NOP10: variants seen among roughly 807,000 people sequenced by gnomAD.
NOP10 encodes the protein NOP10 ribonucleoprotein.
NOP10 carries 6 observed loss-of-function variants against 9.5 expected under a neutral mutation model. The observed-to-expected ratio is 0.63, with a 90% CI of 0.35 to 1.25. The LOEUF (loss-of-function observed/expected upper bound fraction) is 1.25, where lower values mean the gene tolerates loss of function less well. Ranked by LOEUF, NOP10 falls within the 50% of genes most tolerant of loss-of-function variation. NOP10 has a pLI of 0.03. For synonymous variants in NOP10, 28 were observed against 30.7 expected (o/e 0.91, Z 0.29); for missense variants, 75 against 81.3 (o/e 0.92, Z 0.30).
In NOP10 at chr15:34,342,034, T is replaced by C. The variant is rs1340774559; in HGVS notation, c.129A>G (p.Arg43=). 4 of 1,614,060 alleles carry C rather than the reference T, an allele frequency of 2.5e-6. No homozygotes were observed. The part of the protein sequence containing the change: ...ARFSPDDKYS[R]HRITIKKRFK... Reference sequence around the variant, plus strand: ...AGCGTTTCTTGATGGTGATTCGGTGTCGAGAGTATTTGTCATCTGGGGAGA... The same window carrying C: ...AGCGTTTCTTGATGGTGATTCGGTGCCGAGAGTATTTGTCATCTGGGGAGA... The change falls in exon 2 of 2, where the codon CGA becomes CGG. Residue 43 remains arginine, a synonymous_variant. Transcript: ENST00000328848.
intron 1 of NOP10, 140 bp downstream of exon 1, chr15:34,342,880 G>T: frequency 3.7e-6 from 3 of 811,428 alleles, no homozygotes; most frequent in Non-Finnish European, 6.5e-6. Context: ...AATGAGTCGC[G>T]CGGTCCCGGT....
intron 1 of NOP10, 123 bp from the exon 2 acceptor site, chr15:34,342,231 A>G: frequency 1.1e-6 from 1 of 893,368 alleles, no homozygotes; most frequent in East Asian, 2.6e-5. Context: ...TGTACAAATA[A>G]ATAGAGAAAT....
chr15:34,342,564 TAAAAAAAAAA>T (rs750902937), intron 1 of NOP10, among the ~76,000 whole-genome samples: 1 of 102,752 alleles, frequency 9.7e-6, no homozygotes, highest in African/African-American at 3.9e-5. Context: ...TCCCTGTCTT[TAAAAAAAAAA>T]AAAAAAAAAA....
At chr15:34,342,652 T>G (rs148453358) in intron 1 of NOP10, among the ~76,000 whole-genome samples, 1,663 of 151,498 alleles carry the variant, frequency 0.011, 12 homozygotes, top group Middle Eastern at 0.024. Context: ...GTTTAAGCGA[T>G]TCTCCTGTCT....
rs757349587 is a variant in NOP10, at chr15:34,343,124, T to A, written c.-51A>T. The A allele has an allele frequency of 1.9e-6, 3 of 1,565,314 alleles. No homozygotes were observed. The highest frequency in any genetic ancestry group is 2.2e-5 in the East Asian group (1 of 44,622). On this transcript the variant is annotated 5_prime_UTR_variant, in exon 1 of 2. Coordinates refer to ENST00000328848, the MANE Select transcript of NOP10 (RefSeq NM_018648.4). ...ATTCGGTCCACCGCTCAGTCTGCAG[T>A]GGTCCGCCCGACCGCGTCACGTGTT... is the stretch of plus-strand genomic sequence containing the variant.
rs533707808 is a variant in NOP10 at position 34,342,829 on chromosome 15, G to C, written c.54+191C>G. ...CCCAAAGTGCTAGGATTACAGGCGG[G>C]AGCCACTGCGCCCCGCCAGAATTTT... On this transcript the variant is annotated intron_variant, in intron 1 of 1. Transcript: ENST00000328848. 5.3e-5 allele frequency among the ~76,000 whole-genome samples: 8 copies of C among 152,230 alleles called. No individual in the cohort carries two copies. In the East Asian group the frequency reaches 1.6e-3, roughly 30 times the overall value.
intron 1 of NOP10, 119 bp downstream of exon 1, chr15:34,342,901 C>T: frequency 2.0e-6 from 2 of 994,796 alleles, no homozygotes; most frequent in Non-Finnish European, 3.2e-6. Flanking sequence ...TCTTCCCCAC[C>T]TCGGTTCTGG....
Position 34,341,984 on chromosome 15 carries a change from G to A in NOP10, c.179C>T (p.Pro60Leu), listed in dbSNP as rs765367178. 18 of 1,613,936 alleles carry A rather than the reference G, an allele frequency of 1.1e-5. No homozygotes were observed. The highest frequency in any genetic ancestry group is 1.4e-5 in the Non-Finnish European group (16 of 1,180,034). ...AAGGGACCCTCAGAGGACAGGGCGCGGTTGCTGGGTCATGAGCACCTTGAA... is the reference window on the plus strand; with the variant it reads ...AAGGGACCCTCAGAGGACAGGGCGCAGTTGCTGGGTCATGAGCACCTTGAA... ...KRFKVLMTQQ[P>L]RPVL Residue 60 changes from proline (P) to leucine (L), a missense_variant, in exon 2 of 2, where the codon CCG becomes CTG. Physicochemically the swap from Pro to Leu is moderately conservative, Grantham distance 98. Coordinates refer to ENST00000328848, the MANE Select transcript of NOP10 (RefSeq NM_018648.4).
intron 1 of NOP10, among the ~76,000 whole-genome samples, 182 bp from the exon 2 acceptor site, chr15:34,342,290 C>T (rs1890492429): frequency 6.6e-6 from 1 of 150,410 alleles, no homozygotes; most frequent in Non-Finnish European, 1.5e-5. Context: ...GTAATCCTGG[C>T]ACTTTGGGAG....
At position 34,343,065 on chromosome 15, in the gene NOP10, G is replaced by A. The variant is rs1433015331; in HGVS notation, c.9C>T (p.Leu3=). 6.2e-7 allele frequency: 1 copy of A among 1,614,032 alleles called. No homozygotes were observed. The highest frequency in any genetic ancestry group is 8.5e-7 in the Non-Finnish European group (1 of 1,180,026). ...CTCCCTGCTCGTTGAGGTAATACTG[G>A]AGAAACATGATCGCTTATAAGCCAG... is the stretch of plus-strand genomic sequence containing the variant. MF[L]QYYLNEQGDR... is the part of the protein sequence containing the mutation. The change falls in exon 1 of 2, where the codon CTC becomes CTT. Residue 3 remains leucine, a synonymous_variant. Transcript: ENST00000328848.
Position 34,341,817 on chromosome 15 carries a change from G to A in NOP10, c.*151C>T. 1 of 775,388 alleles carries A rather than the reference G, an allele frequency of 1.3e-6. No individual in the cohort carries two copies. The highest frequency in any genetic ancestry group is 2.2e-6 in the Non-Finnish European group (1 of 447,054). The allele number at this position is 775,388 out of a possible 1,614,324, so 48.0% of individuals were successfully genotyped here. ...CTTTATGGGTGATGCCACCATGATTGCCTCACACAAGCATAATCAATCGCC... is the reference window on the plus strand; with the variant it reads ...CTTTATGGGTGATGCCACCATGATTACCTCACACAAGCATAATCAATCGCC... On this transcript the variant is annotated 3_prime_UTR_variant, in exon 2 of 2. Coordinates refer to ENST00000328848, the MANE Select transcript of NOP10 (RefSeq NM_018648.4).
In NOP10 at chr15:34,342,033, GTCGAGAGT is replaced by G; in HGVS notation, c.122_129del (p.Tyr41SerfsTer26). On this transcript the variant is annotated frameshift_variant, in exon 2 of 2. Transcript: ENST00000328848. LOFTEE classifies it high-confidence loss of function. ...AAGCGTTTCTTGATGGTGATTCGGTGTCGAGAGTATTTGTCATCTGGGGAGAACCGAGC... is the reference window on the plus strand; with the variant it reads ...AAGCGTTTCTTGATGGTGATTCGGTGATTTGTCATCTGGGGAGAACCGAGC... 2.5e-6 allele frequency: 4 copies of G among 1,614,130 alleles called. No individual in the cohort carries two copies. The highest frequency in any genetic ancestry group is 3.4e-6 in the Non-Finnish European group (4 of 1,180,000).
rs1890481204 is a variant in NOP10 at position 34,341,844 on chromosome 15, C to T, written c.*124G>A. On this transcript the variant is annotated 3_prime_UTR_variant, in exon 2 of 2. Coordinates refer to ENST00000328848, the MANE Select transcript of NOP10 (RefSeq NM_018648.4). Reference sequence around the variant, plus strand: ...CTCACACAAGCATAATCAATCGCCACGAGAGACTGGATGCCAAAGAGTATG... The same window carrying T: ...CTCACACAAGCATAATCAATCGCCATGAGAGACTGGATGCCAAAGAGTATG... 3 of 983,320 alleles carry T rather than the reference C, an allele frequency of 3.1e-6. No individual in the cohort carries two copies. Among genetic ancestry groups the T allele is most frequent in the South Asian group, 2.8e-5 (2 of 72,676 alleles). 60.9% of individuals were successfully genotyped at this position (983,320 alleles called of 1,614,324 possible).
chr15:34,342,187 G>T, intron 1 of NOP10, 79 bp from the exon 2 acceptor site: 1 of 1,218,202 alleles, frequency 8.2e-7, no homozygotes, highest in Non-Finnish European at 1.2e-6. Flanking sequence ...GGGCAAACAT[G>T]AAAATAGAAG....
intron 1 of NOP10, 52 bp from the exon 2 acceptor site, chr15:34,342,160 G>C: frequency 6.4e-7 from 1 of 1,568,182 alleles, no homozygotes; most frequent in African/African-American, 1.4e-5. Context: ...GAAATGGGGT[G>C]GGGCCAGCGC....
intron 1 of NOP10, 45 bp from the exon 2 acceptor site, chr15:34,342,153 A>G (rs750087925): frequency 1.3e-5 from 20 of 1,596,042 alleles, no homozygotes; most frequent in Admixed American, 3.3e-5. Flanking sequence ...GAGTGATGAA[A>G]TGGGGTGGGG....
Position 34,341,940 on chromosome 15 carries a change from G to T in NOP10, c.*28C>A, listed in dbSNP as rs1412743489. 1 of 1,611,814 alleles carries T rather than the reference G, an allele frequency of 6.2e-7. No homozygotes were observed. The highest frequency in any genetic ancestry group is 1.7e-5 in the Admixed American group (1 of 59,970). On this transcript the variant is annotated 3_prime_UTR_variant, in exon 2 of 2. Coordinates refer to ENST00000328848, the MANE Select transcript of NOP10 (RefSeq NM_018648.4). Reference sequence around the variant, plus strand: ...CGGAGTCTCCGAGGGGTAACAGGTGGCAGAAAAGACATCAGTTTAAGGGAC... The same window carrying T: ...CGGAGTCTCCGAGGGGTAACAGGTGTCAGAAAAGACATCAGTTTAAGGGAC...
chr15:34,341,769 G>GA lies in NOP10; in HGVS notation c.*198dup, dbSNP rs924767350. On this transcript the variant is annotated 3_prime_UTR_variant, in exon 2 of 2. Coordinates refer to ENST00000328848, the MANE Select transcript of NOP10 (RefSeq NM_018648.4). ...AATCTTGTAGTAATTTAAAATATGA[G>GA]AAAAAAAAGTCAAATGTGTTCCCTT... 10 of 618,458 alleles carry GA rather than the reference G, an allele frequency of 1.6e-5. No homozygotes were observed. The highest frequency in any genetic ancestry group is 2.7e-5 in the Admixed American group (1 of 36,888). The allele number at this position is 618,458 out of a possible 1,614,324, so 38.3% of individuals were successfully genotyped here. A position where few individuals can be genotyped will look rare whatever the true frequency, so the allele number is the denominator to read the frequency against.
intron 1 of NOP10, 152 bp from the exon 2 acceptor site, chr15:34,342,260 G>T: frequency 1.3e-6 from 1 of 789,572 alleles, no homozygotes; most frequent in South Asian, 1.5e-5. Context: ...TAAAAAGGCC[G>T]AGCGCGGTGG....
Sources: allele counts gnomAD v4.1 joint callset (sites outside exome capture counted in the v4.1 genomes callset), GRCh38; gene constraint gnomAD v4.1.1; transcripts MANE v1.5; gene names NCBI Gene and HGNC (gene_info 2026-07-23, HGNC 2026-07-21).